SNTG2: variants seen among roughly 807,000 people sequenced by gnomAD.
SNTG2 encodes the protein syntrophin gamma 2, also known as gamma-2-syntrophin.
Under a neutral mutation model 70.9 loss-of-function variants are expected in SNTG2, and 74 were observed. That is an observed-to-expected ratio of 1.04 (90% CI 0.86 to 1.27). The LOEUF is 1.27. Among genes scored for constraint, SNTG2 ranks in the 50% most tolerant of loss-of-function variants. SNTG2 has a pLI of 0.00. For synonymous variants in SNTG2, 278 were observed against 273.8 expected (o/e 1.02, Z -0.15); for missense variants, 717 against 690.7 (o/e 1.04, Z -0.43).
rs765385196 is a variant in SNTG2, at chr2:1,137,820, T to C, written c.411+11T>C. On this transcript the variant is annotated intron_variant, in intron 6 of 16. Coordinates refer to ENST00000308624, the MANE Select transcript of SNTG2 (RefSeq NM_018968.4). ...ACTCATGAAGAAGTGGTAAGTGAAT[T>C]ACATTTTATAGTTATTCTGTTTATT... The C allele has an allele frequency of 6.3e-7, 1 of 1,598,562 alleles. No individual in the cohort carries two copies. The highest frequency in any genetic ancestry group is 8.6e-7 in the Non-Finnish European group (1 of 1,166,908).
At chr2:1,080,381 A>G (rs765940190) in intron 1 of SNTG2, among the ~76,000 whole-genome samples, 5 of 152,180 alleles carry the variant, frequency 3.3e-5, no homozygotes, top group African/African-American at 9.7e-5. Context: ...TTGGGTTCCA[A>G]CTTTACAACT....
At chr2:1,064,918 A>T (rs1354293180) in intron 1 of SNTG2, among the ~76,000 whole-genome samples, 1 of 152,248 alleles carries the variant, frequency 6.6e-6, no homozygotes, top group Non-Finnish European at 1.5e-5. Flanking sequence ...CAAGAAACAC[A>T]TTTAACAAAA....
chr2:1,272,572 A>G (rs1354230802), intron 14 of SNTG2, among the ~76,000 whole-genome samples: 1 of 149,652 alleles, frequency 6.7e-6, no homozygotes, highest in African/African-American at 2.5e-5. Flanking sequence ...GAACAGGTGT[A>G]GAAAGGATAT....
chr2:1,248,860 C>A (rs1052591210), intron 12 of SNTG2, among the ~76,000 whole-genome samples: 2 of 152,174 alleles, frequency 1.3e-5, no homozygotes, highest in African/African-American at 4.8e-5. Flanking sequence ...ACCAGTTGGC[C>A]TTTTATGGAA....
At chr2:1,173,669 G>A (rs1053755286) in intron 8 of SNTG2, among the ~76,000 whole-genome samples, 7 of 152,184 alleles carry the variant, frequency 4.6e-5, no homozygotes, top group East Asian at 1.9e-4. Flanking sequence ...TGGGGCTCCC[G>A]CCCTCCTCCC....
chr2:1,183,410 C>T (rs1672047480), intron 8 of SNTG2, among the ~76,000 whole-genome samples: 1 of 152,158 alleles, frequency 6.6e-6, no homozygotes, highest in South Asian at 2.1e-4. Flanking sequence ...TATGTCCTTA[C>T]CTTTAGCAGA....
chr2:1,094,679 A>G (rs1298086214), intron 2 of SNTG2, among the ~76,000 whole-genome samples: 5 of 41,858 alleles, frequency 1.2e-4, no homozygotes, highest in Non-Finnish European at 1.6e-4. Context: ...CGAAGGCCTT[A>G]TAGGTGTGTC....
At chr2:1,181,050 A>C (rs936473978) in intron 8 of SNTG2, among the ~76,000 whole-genome samples, 2 of 152,130 alleles carry the variant, frequency 1.3e-5, no homozygotes, top group South Asian at 2.1e-4. Flanking sequence ...GGGAACATCA[A>C]ACTCTGGGGA....
chr2:1,292,332 G>C (rs1313917539), intron 14 of SNTG2, among the ~76,000 whole-genome samples: 1 of 152,008 alleles, frequency 6.6e-6, no homozygotes, highest in Non-Finnish European at 1.5e-5. Context: ...CTATTTGGTT[G>C]ACTTGTTTGT....
chr2:1,075,342 C>T (rs1193471804), intron 1 of SNTG2, among the ~76,000 whole-genome samples: 1 of 152,206 alleles, frequency 6.6e-6, no homozygotes, highest in East Asian at 1.9e-4. Context: ...TGGCCACCAG[C>T]AAGTCTCAGC....
chr2:1,197,689 C>T (rs1377743347), intron 8 of SNTG2, among the ~76,000 whole-genome samples: 2 of 151,784 alleles, frequency 1.3e-5, no homozygotes, highest in African/African-American at 2.4e-5. Flanking sequence ...CATGCATCAT[C>T]ATGCCCAGCT....
At chr2:1,058,465 G>A (rs1662607734) in intron 1 of SNTG2, among the ~76,000 whole-genome samples, 1 of 152,176 alleles carries the variant, frequency 6.6e-6, no homozygotes, top group Non-Finnish European at 1.5e-5. Flanking sequence ...TGGGTTTATT[G>A]GCAGTATTTT....
intron 11 of SNTG2, among the ~76,000 whole-genome samples, chr2:1,245,474 T>C (rs1298157886): frequency 6.6e-6 from 1 of 152,214 alleles, no homozygotes; most frequent in Non-Finnish European, 1.5e-5. Flanking sequence ...CAATTGTTTT[T>C]AGTAACTATG....
At chr2:1,307,467 G>A (rs935263185) in intron 14 of SNTG2, among the ~76,000 whole-genome samples, 1 of 151,326 alleles carries the variant, frequency 6.6e-6, no homozygotes, top group African/African-American at 2.4e-5. Flanking sequence ...GTATGCGAGA[G>A]AGAGAAGAGA....
rs1659547635 is a variant in SNTG2, at chr2:1,005,819, AT to A, written c.72+54752del. Reference sequence around the variant, plus strand: ...ACTCTGCCTCAAAATATATATATATATATATATATATATATATATATATATA... The same window carrying A: ...ACTCTGCCTCAAAATATATATATATAATATATATATATATATATATATATA... On this transcript the variant is annotated intron_variant, in intron 1 of 16. Transcript: ENST00000308624. Among the ~76,000 whole-genome samples, 4 of 10,614 alleles carry A rather than the reference AT, an allele frequency of 3.8e-4. 1 individual carries two copies. Among genetic ancestry groups the A allele is most frequent in the Non-Finnish European group, 6.9e-4 (4 of 5,774 alleles). 7.0% of individuals were successfully genotyped at this position (10,614 alleles called of 152,430 possible).
intron 16 of SNTG2, among the ~76,000 whole-genome samples, chr2:1,319,513 C>A (rs1291096917): frequency 6.6e-6 from 1 of 152,164 alleles, no homozygotes. Context: ...CCGTGGCACC[C>A]CTGGGATGAG....
intron 1 of SNTG2, among the ~76,000 whole-genome samples, chr2:1,002,289 A>G (rs1218289734): frequency 6.6e-6 from 1 of 152,184 alleles, no homozygotes; most frequent in Non-Finnish European, 1.5e-5. Flanking sequence ...CTGCACAGTG[A>G]AAGACAAAAT....
At chr2:1,238,786 G>A (rs967184101) in intron 10 of SNTG2, among the ~76,000 whole-genome samples, 8 of 152,126 alleles carry the variant, frequency 5.3e-5, no homozygotes, top group East Asian at 3.9e-4. Flanking sequence ...CTGTTCCTTC[G>A]CAGCCTGGAG....
rs150065504 is a variant in SNTG2, at chr2:1,353,818, G to T, written c.1489-13525G>T. 1 of 152,226 alleles carries T rather than the reference G, an allele frequency of 6.6e-6. No individual in the cohort carries two copies. Among genetic ancestry groups the T allele is most frequent in the Non-Finnish European group, 1.5e-5 (1 of 68,046 alleles). The allele number at this position is 152,226 out of a possible 1,614,324, so 9.4% of individuals were successfully genotyped here. ...CTGAGACGGAAAAATGGACCGTGCC[G>T]TAAGGAGGTGTGATTTCCACTGGAG... On this transcript the variant is annotated intron_variant, in intron 16 of 16. Coordinates refer to ENST00000308624, the MANE Select transcript of SNTG2 (RefSeq NM_018968.4). This position sits in a 1 kb window ranked among gnomAD's most constrained non-coding sequence, Gnocchi z 4.2.
Sources: allele counts gnomAD v4.1 joint callset (sites outside exome capture counted in the v4.1 genomes callset), GRCh38; gene constraint gnomAD v4.1.1; non-coding constraint Gnocchi (gnomAD v3.1); transcripts MANE v1.5; gene names NCBI Gene and HGNC (gene_info 2026-07-23, HGNC 2026-07-21).